Variants in FYN observed in about 807,000 individuals in gnomAD.
FYN encodes the protein FYN proto-oncogene, Src family tyrosine kinase.
Under a neutral mutation model 70.2 loss-of-function variants are expected in FYN, and 10 were observed. The observed-to-expected ratio is 0.14, with a 90% confidence interval of 0.09 to 0.24. The LOEUF (loss-of-function observed/expected upper bound fraction) is 0.24. Ranked by LOEUF, FYN falls within the 10% of genes least tolerant of loss-of-function variation. FYN has a pLI of 1.00. For missense variants in FYN, 319 were observed against 673.1 expected, an observed-to-expected ratio of 0.47 and a Z score of 5.82; for synonymous variants, 236 against 248.6, an observed-to-expected ratio of 0.95 and a Z score of 0.48.
intron 3 of FYN, among the ~76,000 whole-genome samples, chr6:111,749,623 T>C (rs1802396544): frequency 6.6e-6 from 1 of 152,208 alleles, no homozygotes; most frequent in Non-Finnish European, 1.5e-5. Context: ...AAGCATGTAA[T>C]TATCTGCTAG....
At chr6:111,837,848 TCTC>T (rs1773237220) in intron 2 of FYN, among the ~76,000 whole-genome samples, 1 of 152,190 alleles carries the variant, frequency 6.6e-6, no homozygotes, top group Non-Finnish European at 1.5e-5. Context: ...CATCTCACTT[TCTC>T]ATGGCAGCCT....
chr6:111,674,515 T>G lies in FYN; in HGVS notation c.1389A>C (p.Gly463=). The change falls in exon 13 of 14, where the codon GGA becomes GGC. Residue 463 remains glycine (G), a synonymous_variant. Coordinates refer to ENST00000354650, the MANE Select transcript of FYN (RefSeq NM_002037.5). ...TGCTCTTACCTGGGTATGGCACTCT[T>G]CCTTTGGTGACCAGCTCTGTGAGTA... ...GILLTELVTK[G]RVPYPGMNNR... is the part of the protein sequence containing the mutation. 1 of 1,613,566 alleles carries G rather than the reference T, an allele frequency of 6.2e-7. No homozygotes were observed. Among genetic ancestry groups the G allele is most frequent in the Admixed American group, 1.7e-5 (1 of 59,996 alleles).
At chr6:111,851,193 C>T (rs1214678040) in intron 1 of FYN, among the ~76,000 whole-genome samples, 1 of 152,218 alleles carries the variant, frequency 6.6e-6, no homozygotes, top group Admixed American at 6.5e-5. Flanking sequence ...TGGGGAAGGC[C>T]CTGGTGTCCC....
chr6:111,721,532 T>C (rs916463823), intron 3 of FYN, among the ~76,000 whole-genome samples: 4 of 152,100 alleles, frequency 2.6e-5, no homozygotes, highest in African/African-American at 9.7e-5. Flanking sequence ...GCCTCACAAG[T>C]AGCTGGGATT....
At chr6:111,778,174 T>A (rs1771024578) in intron 3 of FYN, among the ~76,000 whole-genome samples, 1 of 152,130 alleles carries the variant, frequency 6.6e-6, no homozygotes, top group African/African-American at 2.4e-5. Flanking sequence ...CAAGGAGCTC[T>A]GCCAGATGGG....
chr6:111,844,529 G>A (rs1773461063), intron 2 of FYN, among the ~76,000 whole-genome samples: 1 of 152,198 alleles, frequency 6.6e-6, no homozygotes, highest in Admixed American at 6.5e-5. Flanking sequence ...TTTTAAAACA[G>A]CAAACTCCCC....
At chr6:111,790,635 T>A (rs909369731) in intron 2 of FYN, among the ~76,000 whole-genome samples, 1 of 152,188 alleles carries the variant, frequency 6.6e-6, no homozygotes, top group Non-Finnish European at 1.5e-5. Context: ...TAACATTGCA[T>A]TTTAAAGTAA....
At chr6:111,734,085 TCAAA>T (rs1466401729) in intron 3 of FYN, among the ~76,000 whole-genome samples, 6 of 152,102 alleles carry the variant, frequency 3.9e-5, no homozygotes, top group Admixed American at 3.3e-4. Flanking sequence ...AGACCCTGTC[TCAAA>T]CAAACAAAAA....
rs561457113 is a variant in FYN, at chr6:111,734,417, A to AT, written c.-11-14356dup. Among the ~76,000 whole-genome samples, 324 of 152,244 alleles carry AT rather than the reference A, an allele frequency of 2.1e-3. 1 individual carries two copies. Among genetic ancestry groups the AT allele is most frequent in the Non-Finnish European group, 3.9e-3 (268 of 68,006 alleles). On this transcript the variant is annotated intron_variant, in intron 3 of 13. Transcript: ENST00000354650. ...TGCTGTGTCCTACAGTTTTTATTTA[A>AT]TTTTTTGCCCTATGGTTTAAAGTAC...
At chr6:111,767,028 C>T (rs2881039) in intron 3 of FYN, among the ~76,000 whole-genome samples, 80,142 of 152,036 alleles carry the variant, frequency 0.53, 21,997 homozygotes, top group East Asian at 0.85. Context: ...CCTAGGTAAG[C>T]AGCCACCCCA....
At chr6:111,871,211 C>T (rs1473190883) in intron 1 of FYN, among the ~76,000 whole-genome samples, 1 of 152,180 alleles carries the variant, frequency 6.6e-6, no homozygotes, top group Non-Finnish European at 1.5e-5. Context: ...AACATTTCTT[C>T]CTTAAAGGGA....
intron 5 of FYN, among the ~76,000 whole-genome samples, chr6:111,708,762 G>A (rs1800229474): frequency 6.6e-6 from 1 of 152,132 alleles, no homozygotes; most frequent in Non-Finnish European, 1.5e-5. Context: ...ACTCGGCAAG[G>A]GAGTGAGATT....
intron 2 of FYN, among the ~76,000 whole-genome samples, chr6:111,804,476 A>C (rs1312534312): frequency 6.6e-6 from 1 of 152,136 alleles, no homozygotes; most frequent in Non-Finnish European, 1.5e-5. Flanking sequence ...AAAACCAATG[A>C]ATTTTTTAAA....
intron 3 of FYN, among the ~76,000 whole-genome samples, chr6:111,778,570 T>C (rs1009764665): frequency 2.0e-5 from 3 of 151,998 alleles, no homozygotes; most frequent in Non-Finnish European, 2.9e-5. Context: ...TTCTTTCTTT[T>C]GTTTTTGTTT....
At chr6:111,676,977 C>A (rs1798553226) in intron 12 of FYN, among the ~76,000 whole-genome samples, 1 of 152,050 alleles carries the variant, frequency 6.6e-6, no homozygotes, top group Non-Finnish European at 1.5e-5. Flanking sequence ...TTATAATCTA[C>A]AATAAGGATT....
At chr6:111,839,637 T>C (rs1773294682) in intron 2 of FYN, among the ~76,000 whole-genome samples, 1 of 152,126 alleles carries the variant, frequency 6.6e-6, no homozygotes, top group Admixed American at 6.5e-5. Context: ...ATAAAGGCAA[T>C]GTATCCAGGA....
intron 3 of FYN, among the ~76,000 whole-genome samples, chr6:111,747,708 C>T (rs1335076757): frequency 6.6e-6 from 1 of 152,070 alleles, no homozygotes; most frequent in Non-Finnish European, 1.5e-5. Flanking sequence ...TGGGTGGAGC[C>T]GGATTCAATT....
chr6:111,832,977 A>T (rs1773068418), intron 2 of FYN, among the ~76,000 whole-genome samples: 1 of 152,230 alleles, frequency 6.6e-6, no homozygotes, highest in African/African-American at 2.4e-5. Context: ...TTAATGGTTT[A>T]ATGCTCTACT....
intron 12 of FYN, among the ~76,000 whole-genome samples, chr6:111,681,032 A>ATTTTT (rs11379613): frequency 7.1e-6 from 1 of 141,428 alleles, no homozygotes; most frequent in East Asian, 2.1e-4. Flanking sequence ...ATTTAATTTA[A>ATTTTT]TTTTTTTTTT....
Sources: gnomAD v4.1 joint callset for allele counts (sites outside exome capture counted in the v4.1 genomes callset) on GRCh38, gnomAD v4.1.1 for gene constraint, MANE v1.5 for transcripts, NCBI Gene and HGNC (gene_info 2026-07-23, HGNC 2026-07-21) for gene names.